NTRK3: variants seen among roughly 807,000 people sequenced by gnomAD.
The protein encoded by NTRK3 is neurotrophic receptor tyrosine kinase 3, also known as NT-3 growth factor receptor.
In NTRK3, 24 loss-of-function variants were observed where a neutral mutation model predicts 91.7. The observed-to-expected ratio is 0.26, with a 90% CI of 0.19 to 0.37. NTRK3 has a LOEUF of 0.37. Among genes scored for constraint, NTRK3 ranks in the 10% least tolerant of loss-of-function variants. The pLI, the probability that NTRK3 is intolerant of heterozygous loss-of-function variation, is 1.00. For missense variants in NTRK3, 880 were observed against 1,068.9 expected, an observed-to-expected ratio of 0.82 and a Z score of 2.46; for synonymous variants, 483 against 404.0, an observed-to-expected ratio of 1.20 and a Z score of -2.34.
intron 13 of NTRK3, among the ~76,000 whole-genome samples, chr15:88,116,198 G>A (rs1405093056): frequency 2.6e-5 from 4 of 152,294 alleles, no homozygotes; most frequent in Admixed American, 6.5e-5. Flanking sequence ...TGGCAGTTTG[G>A]TTTCGAACCA....
chr15:87,861,953 T>G (rs759682841), exon 19 of NTRK3: 14 of 215,012 alleles, frequency 6.5e-5, no homozygotes, highest in Admixed American at 1.2e-4. Context: ...CTCCTTCCCC[T>G]CTGTTCTAAG....
At chr15:88,114,023 A>G (rs773046987) in intron 13 of NTRK3, among the ~76,000 whole-genome samples, 4 of 152,092 alleles carry the variant, frequency 2.6e-5, no homozygotes, top group Non-Finnish European at 2.9e-5. Flanking sequence ...CACCACCAAC[A>G]ACAACCACAC....
At chr15:87,975,365 G>A (rs1047704249) in intron 14 of NTRK3, among the ~76,000 whole-genome samples, 4 of 152,150 alleles carry the variant, frequency 2.6e-5, no homozygotes, top group African/African-American at 9.7e-5. Flanking sequence ...AAGATCCAGG[G>A]AGCGCCTGGC....
intron 14 of NTRK3, chr15:87,978,245 G>T (rs917250825): frequency 8.7e-6 from 2 of 230,894 alleles, no homozygotes; most frequent in East Asian, 6.1e-5. Context: ...GGAGAGGGTG[G>T]CCATGGAGTA....
At chr15:88,137,622 A>G in intron 6 of NTRK3, 61 bp from the exon 7 acceptor site, 2 of 1,567,274 alleles carry the variant, frequency 1.3e-6, no homozygotes, top group Non-Finnish European at 1.7e-6. Flanking sequence ...GGACCCTCCC[A>G]GGGCTATGAG....
chr15:88,097,662 G>T (rs2049758255), intron 13 of NTRK3, among the ~76,000 whole-genome samples: 1 of 152,198 alleles, frequency 6.6e-6, no homozygotes, highest in South Asian at 2.1e-4. Context: ...AACGGGGAAT[G>T]ATTAAATTTA....
At chr15:88,121,580 G>A (rs1164593530) in intron 13 of NTRK3, among the ~76,000 whole-genome samples, 1 of 152,166 alleles carries the variant, frequency 6.6e-6, no homozygotes, top group Non-Finnish European at 1.5e-5. Flanking sequence ...CTAGTTAGTT[G>A]TTAAAATGCT....
chr15:88,048,769 T>C (rs1036662413), intron 13 of NTRK3, among the ~76,000 whole-genome samples: 4 of 152,214 alleles, frequency 2.6e-5, no homozygotes, highest in African/African-American at 9.6e-5. Flanking sequence ...AATCAAGATC[T>C]TGTAAAAGTC....
At chr15:88,028,690 A>G (rs2078258168) in intron 14 of NTRK3, among the ~76,000 whole-genome samples, 1 of 152,146 alleles carries the variant, frequency 6.6e-6, no homozygotes, top group Admixed American at 6.5e-5. Flanking sequence ...CAGGGACAAC[A>G]TGGGAGCAAA....
At chr15:88,078,383 C>A (rs144244715) in intron 13 of NTRK3, among the ~76,000 whole-genome samples, 1 of 152,154 alleles carries the variant, frequency 6.6e-6, no homozygotes, top group Admixed American at 6.5e-5. Flanking sequence ...AGGCCTGGTG[C>A]GGTGGCTCAC....
chr15:88,018,446 G>C (rs1041758765), intron 14 of NTRK3, among the ~76,000 whole-genome samples: 6 of 152,196 alleles, frequency 3.9e-5, no homozygotes, highest in Admixed American at 6.5e-5. Flanking sequence ...CTAAACTCTA[G>C]AGTTTGAATC....
rs970574634 is a variant in NTRK3, at chr15:88,137,649, C to T, written c.465-88G>A. On this transcript the variant is annotated intron_variant, in intron 6 of 18. Coordinates refer to ENST00000394480, the Ensembl canonical transcript of NTRK3. ...GGCTATGAGGACAAGGGGGACCCGACCTGTTCAGGGATTAAGGGGAGAAGG... is the reference window on the plus strand; with the variant it reads ...GGCTATGAGGACAAGGGGGACCCGATCTGTTCAGGGATTAAGGGGAGAAGG... The T allele has an allele frequency of 5.8e-6, 8 of 1,373,824 alleles. No homozygotes were observed. In the South Asian group the frequency reaches 7.3e-5, roughly 13 times the overall value. The allele number at this position is 1,373,824 out of a possible 1,614,324, so 85.1% of individuals were successfully genotyped here.
intron 13 of NTRK3, among the ~76,000 whole-genome samples, chr15:88,099,450 C>G (rs573552305): frequency 2.0e-5 from 3 of 152,282 alleles, no homozygotes; most frequent in South Asian, 4.2e-4. Context: ...GTATTATGAA[C>G]AGGAACATGG....
chr15:87,968,007 G>A (rs1051552914), intron 14 of NTRK3, among the ~76,000 whole-genome samples: 2 of 152,144 alleles, frequency 1.3e-5, no homozygotes, highest in African/African-American at 4.8e-5. Context: ...ATGGTCCAAA[G>A]GTCCCTGGTG....
chr15:87,923,858 AAG>A (rs1195219673), intron 17 of NTRK3, among the ~76,000 whole-genome samples: 4 of 152,132 alleles, frequency 2.6e-5, no homozygotes, highest in Non-Finnish European at 4.4e-5. Flanking sequence ...CTATAAAAGC[AAG>A]TTTGGCCCAT....
intron 5 of NTRK3, among the ~76,000 whole-genome samples, chr15:88,157,895 T>C (rs1425543549): frequency 1.3e-5 from 2 of 152,200 alleles, no homozygotes; most frequent in African/African-American, 4.8e-5. Flanking sequence ...CCAGGGTTCC[T>C]GATACTCAAA....
At chr15:87,901,365 C>G (rs191667874) in intron 17 of NTRK3, among the ~76,000 whole-genome samples, 1 of 152,338 alleles carries the variant, frequency 6.6e-6, no homozygotes, top group East Asian at 1.9e-4. Context: ...AGCAGGTGGA[C>G]TTCTTGTTTG....
chr15:88,211,958 C>A (rs184467344), intron 3 of NTRK3, among the ~76,000 whole-genome samples: 1 of 152,012 alleles, frequency 6.6e-6, no homozygotes, highest in Non-Finnish European at 1.5e-5. Flanking sequence ...ATTCAATAAA[C>A]CCAATTTTGT....
chr15:88,101,875 G>A (rs569943535), intron 13 of NTRK3, among the ~76,000 whole-genome samples: 5 of 152,112 alleles, frequency 3.3e-5, no homozygotes, highest in Non-Finnish European at 5.9e-5. Context: ...GTGGGGTGGG[G>A]GGAGTGGGGA....
Sources: gnomAD v4.1 joint callset for allele counts (sites outside exome capture counted in the v4.1 genomes callset) on GRCh38, gnomAD v4.1.1 for gene constraint, MANE v1.5 for transcripts, NCBI Gene and HGNC (gene_info 2026-07-23, HGNC 2026-07-21) for gene names.